SSBP2: variants seen among roughly 807,000 people sequenced by gnomAD.
The protein encoded by SSBP2 is single stranded DNA binding protein 2.
Under a neutral mutation model 61.8 loss-of-function variants are expected in SSBP2, and 17 were observed. That is an observed-to-expected ratio of 0.28 (90% CI 0.19 to 0.41). SSBP2 has a LOEUF of 0.41. Ranked by LOEUF, SSBP2 falls within the 10% of genes least tolerant of loss-of-function variation. SSBP2 has a pLI of 1.00. For missense variants in SSBP2, 310 were observed against 458.7 expected (o/e 0.68, Z 2.96); for synonymous variants, 139 against 141.3 (o/e 0.98, Z 0.12).
chr5:81,683,408 T>C (rs1177579406), intron 1 of SSBP2, among the ~76,000 whole-genome samples: 1 of 152,134 alleles, frequency 6.6e-6, no homozygotes, highest in Non-Finnish European at 1.5e-5. Context: ...CAAATGGTGT[T>C]TGAACAATTG....
intron 1 of SSBP2, among the ~76,000 whole-genome samples, chr5:81,690,256 A>G (rs1278858769): frequency 6.6e-6 from 1 of 152,176 alleles, no homozygotes. Flanking sequence ...TAACTTATCA[A>G]TAATAACATT....
chr5:81,429,548 T>C lies in SSBP2; in HGVS notation c.958-865A>G, dbSNP rs183603239. Among the ~76,000 whole-genome samples, 445 of 152,326 alleles carry C rather than the reference T, an allele frequency of 2.9e-3. 2 individuals are homozygous for C. Among genetic ancestry groups the C allele is most frequent in the African/African-American group, 0.01 (429 of 41,574 alleles). On this transcript the variant is annotated intron_variant, in intron 15 of 16. Coordinates refer to ENST00000320672, the MANE Select transcript of SSBP2 (RefSeq NM_012446.5). Reference sequence around the variant, plus strand: ...ATACAGTAGTATAACTGTAATTCTTTGAAGGTCCAATTCATTAACTTGTAA... The same window carrying C: ...ATACAGTAGTATAACTGTAATTCTTCGAAGGTCCAATTCATTAACTTGTAA...
chr5:81,567,849 G>C (rs1390792145), intron 4 of SSBP2, among the ~76,000 whole-genome samples: 1 of 152,164 alleles, frequency 6.6e-6, no homozygotes, highest in African/African-American at 2.4e-5. Context: ...GCTGAATTTT[G>C]GACTTGCATG....
intron 4 of SSBP2, among the ~76,000 whole-genome samples, chr5:81,605,042 C>G (rs1249325590): frequency 6.6e-6 from 1 of 151,830 alleles, no homozygotes; most frequent in Non-Finnish European, 1.5e-5. Context: ...TATTTTGGAC[C>G]AGTTTAATTA....
At chr5:81,488,212 T>C (rs1766581178) in intron 6 of SSBP2, among the ~76,000 whole-genome samples, 1 of 151,306 alleles carries the variant, frequency 6.6e-6, no homozygotes, top group Non-Finnish European at 1.5e-5. Context: ...AAGATACTGA[T>C]TTCATTTCCT....
At position 81,680,481 on chromosome 5, in the gene SSBP2, CA is replaced by C. The variant is rs1752305636; in HGVS notation, c.63-30143del. ...ATTAAAAGAGATTGTCAGAGTGGAT[CA>C]AAAAAATAAGACTCAGCTGTATGTT... On this transcript the variant is annotated intron_variant, in intron 1 of 16. Transcript: ENST00000320672. Among the ~76,000 whole-genome samples, 4 of 151,390 alleles carry C rather than the reference CA, an allele frequency of 2.6e-5. No individual in the cohort carries two copies. In the South Asian group the frequency reaches 6.2e-4, roughly 24 times the overall value.
intron 1 of SSBP2, among the ~76,000 whole-genome samples, chr5:81,671,921 G>A (rs10942280): frequency 0.057 from 8,662 of 151,966 alleles, 355 homozygotes; most frequent in South Asian, 0.12. Context: ...TTTAAGGAAA[G>A]AATAATAGCA....
At chr5:81,751,359 C>G (rs1282979576), upstream of SSBP2, 2 of 493,314 alleles carry the variant, frequency 4.1e-6, no homozygotes, top group Non-Finnish European at 3.7e-6. Flanking sequence ...CTCCCCCCTC[C>G]GAACCCGGGC....
At chr5:81,746,372 T>C (rs1757348127) in intron 1 of SSBP2, among the ~76,000 whole-genome samples, 1 of 152,150 alleles carries the variant, frequency 6.6e-6, no homozygotes, top group South Asian at 2.1e-4. Context: ...TTCACTTCCA[T>C]AAGATACTCC....
At chr5:81,542,510 A>G (rs2972230) in intron 4 of SSBP2, among the ~76,000 whole-genome samples, 96,914 of 151,834 alleles carry the variant, frequency 0.64, 31,620 homozygotes, top group Middle Eastern at 0.75. Context: ...ATCAACCTAG[A>G]TGTCAATCAA....
At chr5:81,642,052 T>C (rs1162627695) in intron 2 of SSBP2, among the ~76,000 whole-genome samples, 1 of 152,212 alleles carries the variant, frequency 6.6e-6, no homozygotes, top group Non-Finnish European at 1.5e-5. Flanking sequence ...TAAATTATAT[T>C]CTACGTAGTT....
At chr5:81,636,883 A>G (rs1285496848) in intron 2 of SSBP2, among the ~76,000 whole-genome samples, 3 of 152,188 alleles carry the variant, frequency 2.0e-5, no homozygotes, top group Non-Finnish European at 4.4e-5. Flanking sequence ...TTTTAAATCC[A>G]TCTTTCTGTG....
intron 16 of SSBP2, among the ~76,000 whole-genome samples, chr5:81,428,119 C>T (rs759935714): frequency 1.4e-4 from 21 of 152,114 alleles, no homozygotes; most frequent in Non-Finnish European, 2.6e-4. Context: ...TGTAACAGTA[C>T]AATCACACGC....
intron 6 of SSBP2, among the ~76,000 whole-genome samples, chr5:81,478,378 T>C (rs1765736714): frequency 6.6e-6 from 1 of 152,044 alleles, no homozygotes; most frequent in Non-Finnish European, 1.5e-5. Context: ...TCTTACTCTA[T>C]CACCCAGGCT....
Position 81,731,017 on chromosome 5 carries a change from T to A in SSBP2, c.62+19964A>T, listed in dbSNP as rs138790940. On this transcript the variant is annotated intron_variant, in intron 1 of 16. Transcript: ENST00000320672. Reference sequence around the variant, plus strand: ...TATATTCACATTGTTGTGAAACAGATCTCCAGAACTTTTCCATCCTGCAAA... The same window carrying A: ...TATATTCACATTGTTGTGAAACAGAACTCCAGAACTTTTCCATCCTGCAAA... Among the ~76,000 whole-genome samples, 37 of 152,312 alleles carry A rather than the reference T, an allele frequency of 2.4e-4. No individual in the cohort carries two copies. In the East Asian group the frequency reaches 6.7e-3, roughly 28 times the overall value.
chr5:81,663,148 G>A (rs1477876008), intron 1 of SSBP2, among the ~76,000 whole-genome samples: 1 of 152,138 alleles, frequency 6.6e-6, no homozygotes, highest in African/African-American at 2.4e-5. Context: ...AGATAGGCAA[G>A]ATATTAAAGG....
rs945887522 is a variant in SSBP2, at chr5:81,747,425, T to C, written c.62+3556A>G. ...ATGGAGGAAAAAAAAAGCAACTGTC[T>C]TGTAGATTTGTTGGGAGAATTAAGA... is the stretch of plus-strand genomic sequence containing the variant. On this transcript the variant is annotated intron_variant, in intron 1 of 16. Transcript: ENST00000320672. 2.0e-5 allele frequency among the ~76,000 whole-genome samples: 3 copies of C among 152,272 alleles called. No homozygotes were observed. The Middle Eastern group carries it at 0.01, about 518-fold the overall frequency.
At chr5:81,589,317 A>C (rs1775319000) in intron 4 of SSBP2, among the ~76,000 whole-genome samples, 2 of 152,234 alleles carry the variant, frequency 1.3e-5, no homozygotes, top group African/African-American at 4.8e-5. Context: ...GAGAGGTTCA[A>C]ACTGGAAATT....
chr5:81,559,655 T>A (rs1314926422), intron 4 of SSBP2, among the ~76,000 whole-genome samples: 2 of 152,106 alleles, frequency 1.3e-5, no homozygotes, highest in African/African-American at 4.8e-5. Context: ...ATAATTAATT[T>A]GCCTTCTTAT....
Sources: allele counts gnomAD v4.1 joint callset (sites outside exome capture counted in the v4.1 genomes callset), GRCh38; gene constraint gnomAD v4.1.1; transcripts MANE v1.5; gene names NCBI Gene and HGNC (gene_info 2026-07-23, HGNC 2026-07-21).